The following KCNH8 variants were observed in gnomAD, a reference collection of about 807,000 sequenced individuals.
KCNH8 encodes the protein voltage-gated delayed rectifier potassium channel KCNH8.
In KCNH8, 70 loss-of-function variants were observed where a neutral mutation model predicts 103.6. That is an observed-to-expected ratio of 0.68 (90% CI 0.56 to 0.82). The LOEUF is 0.82. Among genes scored for constraint, KCNH8 ranks in the 40% least tolerant of loss-of-function variants. The probability of loss-of-function intolerance (pLI) is 0.00; values close to 1 mark genes in which losing one functional copy is unlikely to be tolerated. For synonymous variants in KCNH8, 498 were observed against 489.4 expected (o/e 1.02, Z -0.23); for missense variants, 1,217 against 1,329.9 (o/e 0.92, Z 1.32).
intron 5 of KCNH8, among the ~76,000 whole-genome samples, chr3:19,376,462 C>T (rs1228113010): frequency 6.6e-6 from 1 of 152,178 alleles, no homozygotes; most frequent in Non-Finnish European, 1.5e-5. Context: ...TCGGCTCATG[C>T]ACGGTGCGCG....
At chr3:19,180,409 A>G (rs528931412) in intron 1 of KCNH8, among the ~76,000 whole-genome samples, 1 of 152,138 alleles carries the variant, frequency 6.6e-6, no homozygotes, top group Non-Finnish European at 1.5e-5. Flanking sequence ...ACTGCCTGAT[A>G]TTTATCATGG....
intron 7 of KCNH8, among the ~76,000 whole-genome samples, chr3:19,425,686 C>A (rs964858010): frequency 6.6e-6 from 1 of 152,222 alleles, no homozygotes; most frequent in Admixed American, 6.5e-5. Flanking sequence ...GGAATCAAAT[C>A]TTGTCATGAA....
intron 15 of KCNH8, among the ~76,000 whole-genome samples, chr3:19,520,686 G>A (rs996176874): frequency 4.0e-5 from 6 of 151,860 alleles, no homozygotes; most frequent in African/African-American, 1.2e-4. Flanking sequence ...AGCAAGAGAA[G>A]AATTGATAAT....
At chr3:19,235,971 A>C (rs1389001635) in intron 1 of KCNH8, among the ~76,000 whole-genome samples, 1 of 152,210 alleles carries the variant, frequency 6.6e-6, no homozygotes. Flanking sequence ...GTTAGAGATA[A>C]TTTTTACATA....
chr3:19,395,291 GC>G lies in KCNH8; in HGVS notation c.1159del (p.Leu387PhefsTer2). 6.2e-7 allele frequency: 1 copy of G among 1,610,134 alleles called. No homozygotes were observed. Among genetic ancestry groups the G allele is most frequent in the Non-Finnish European group, 8.5e-7 (1 of 1,178,020 alleles). ...GGAAAAATGGAGAGGGAAGACAACA[GC>G]CTTCTGAAGTGGGAAGTTGGTAAGG... ...VIGKMEREDN[S>X]LLKWEVGWLH... On this transcript the variant is annotated frameshift_variant, in exon 7 of 16. Transcript: ENST00000328405. LOFTEE classifies it high-confidence loss of function.
chr3:19,495,385 A>G (rs964081268), intron 11 of KCNH8, among the ~76,000 whole-genome samples: 1 of 152,178 alleles, frequency 6.6e-6, no homozygotes, highest in Non-Finnish European at 1.5e-5. Context: ...TGGTATAAGG[A>G]AAGGGTCCAG....
At chr3:19,506,583 T>TCTCCCACTTGA (rs1198728382) in intron 11 of KCNH8, among the ~76,000 whole-genome samples, 1 of 152,110 alleles carries the variant, frequency 6.6e-6, no homozygotes, top group South Asian at 2.1e-4. Flanking sequence ...TGTGGGCTCC[T>TCTCCCACTTGA]CTCCCACTTG....
At chr3:19,500,476 A>C (rs1234503265) in intron 11 of KCNH8, among the ~76,000 whole-genome samples, 4 of 142,408 alleles carry the variant, frequency 2.8e-5, no homozygotes, top group African/African-American at 1.0e-4. Context: ...AAATCAACAG[A>C]ATATACATTT....
chr3:19,306,923 C>A, intron 3 of KCNH8, among the ~76,000 whole-genome samples: 1 of 151,662 alleles, frequency 6.6e-6, no homozygotes, highest in East Asian at 1.9e-4. Context: ...CAATCCTGAG[C>A]AAAAAAAGAA....
rs1479702670 is a variant in KCNH8 at position 19,395,226 on chromosome 3, A to G, written c.1092A>G (p.Ala364=). The part of the protein sequence containing the change: ...IVLTLLMSMF[A]LLAHWMACIW... ...TGACTCTGCTCATGTCCATGTTTGCACTCCTTGCACACTGGATGGCGTGTA... is the reference window on the plus strand; with the variant it reads ...TGACTCTGCTCATGTCCATGTTTGCGCTCCTTGCACACTGGATGGCGTGTA... The change falls in exon 7 of 16, where the codon GCA becomes GCG. Residue 364 remains alanine, a synonymous_variant. Coordinates refer to ENST00000328405, the MANE Select transcript of KCNH8 (RefSeq NM_144633.3). 1.9e-6 allele frequency: 3 copies of G among 1,608,730 alleles called. No individual in the cohort carries two copies. The highest frequency in any genetic ancestry group is 3.4e-5 in the Admixed American group (2 of 59,206).
chr3:19,514,554 G>A (rs1463825267), intron 13 of KCNH8, among the ~76,000 whole-genome samples: 2 of 151,456 alleles, frequency 1.3e-5, no homozygotes, highest in Non-Finnish European at 3.0e-5. Flanking sequence ...GACTATAGTA[G>A]TAGATTACAG....
At chr3:19,382,280 GT>G (rs2066298253) in intron 5 of KCNH8, among the ~76,000 whole-genome samples, 5 of 152,116 alleles carry the variant, frequency 3.3e-5, no homozygotes, top group Admixed American at 3.3e-4. Flanking sequence ...AGTAAATCAT[GT>G]TTTGGTGGCC....
At chr3:19,474,952 C>T (rs1238916861) in intron 11 of KCNH8, among the ~76,000 whole-genome samples, 1 of 152,052 alleles carries the variant, frequency 6.6e-6, no homozygotes, top group East Asian at 1.9e-4. Flanking sequence ...AGGATTCTAT[C>T]AAAAAGAGCA....
At chr3:19,348,885 GGTGGTAGTA>G (rs1442987465) in intron 5 of KCNH8, among the ~76,000 whole-genome samples, 2 of 142,938 alleles carry the variant, frequency 1.4e-5, no homozygotes, top group Non-Finnish European at 3.1e-5. Flanking sequence ...TTGGTTCAAT[GGTGGTAGTA>G]GTTGTTTTTT....
chr3:19,423,785 T>C (rs1407822609), intron 7 of KCNH8, among the ~76,000 whole-genome samples: 1 of 152,112 alleles, frequency 6.6e-6, no homozygotes, highest in African/African-American at 2.4e-5. Context: ...TCTTTTCCTC[T>C]GAGTAGATAC....
At chr3:19,219,688 T>C (rs2063853143) in intron 1 of KCNH8, among the ~76,000 whole-genome samples, 2 of 152,212 alleles carry the variant, frequency 1.3e-5, no homozygotes, top group South Asian at 2.1e-4. Context: ...CAAATTCTTA[T>C]GGGTGCTTGC....
At chr3:19,506,979 A>C (rs1365418626) in intron 11 of KCNH8, among the ~76,000 whole-genome samples, 5 of 152,116 alleles carry the variant, frequency 3.3e-5, no homozygotes, top group Non-Finnish European at 7.4e-5. Flanking sequence ...GGGCAGCAAG[A>C]GCAGTACCAC....
chr3:19,499,184 G>T (rs777973467), intron 11 of KCNH8, among the ~76,000 whole-genome samples: 5 of 152,150 alleles, frequency 3.3e-5, no homozygotes, highest in Non-Finnish European at 7.3e-5. Flanking sequence ...GGAAGAAAGG[G>T]TATCAGCGAT....
At chr3:19,440,623 C>G (rs1172267832) in intron 8 of KCNH8, among the ~76,000 whole-genome samples, 4 of 152,134 alleles carry the variant, frequency 2.6e-5, no homozygotes, top group African/African-American at 9.7e-5. Context: ...CTGGGTCCCT[C>G]CCCACAACAC....
Sources: allele counts gnomAD v4.1 joint callset (sites outside exome capture counted in the v4.1 genomes callset), GRCh38; gene constraint gnomAD v4.1.1; transcripts MANE v1.5; gene names NCBI Gene and HGNC (gene_info 2026-07-23, HGNC 2026-07-21).